Variants in USP6NL observed in about 807,000 individuals in gnomAD.
USP6NL encodes USP6 N-terminal-like protein.
Under a neutral mutation model 61.9 loss-of-function variants are expected in USP6NL, and 26 were observed. The ratio of observed to expected loss-of-function variants is 0.42; its 90% CI spans 0.31 to 0.58. The LOEUF (loss-of-function observed/expected upper bound fraction) is 0.58. Among genes scored for constraint, USP6NL ranks in the 20% least tolerant of loss-of-function variants. The pLI is 0.16. For synonymous variants in USP6NL, 432 were observed against 390.1 expected, an observed-to-expected ratio of 1.11 and a Z score of -1.27; for missense variants, 1,114 against 1,034.3, an observed-to-expected ratio of 1.08 and a Z score of -1.06.
At chr10:11,480,869 C>T (rs1290200728) in intron 14 of USP6NL, among the ~76,000 whole-genome samples, 1 of 152,214 alleles carries the variant, frequency 6.6e-6, no homozygotes, top group African/African-American at 2.4e-5. Flanking sequence ...TACACCCATC[C>T]ACTGCAACAA....
chr10:11,569,448 T>C (rs1202988069), intron 2 of USP6NL, among the ~76,000 whole-genome samples: 2 of 152,224 alleles, frequency 1.3e-5, no homozygotes, highest in African/African-American at 4.8e-5. Flanking sequence ...ATTTAATAAA[T>C]ATAACCTTCA....
rs73569144 is a variant in USP6NL at position 11,528,942 on chromosome 10, T to C, written c.5-1375A>G. 6.8e-3 allele frequency among the ~76,000 whole-genome samples: 1,037 copies of C among 151,944 alleles called. 14 individuals are homozygous for C. Among genetic ancestry groups the C allele is most frequent in the African/African-American group, 0.023 (940 of 41,420 alleles). On this transcript the variant is annotated intron_variant, in intron 2 of 14. Transcript: ENST00000609104. This position sits in a 1 kb window ranked among gnomAD's most constrained non-coding sequence, Gnocchi z 4.6. ...CTCATTCTCCAAAGCAGGAAACCAA[T>C]AGAAATGCCAAAAACGGAAGATGCA...
chr10:11,601,468 C>T (rs1838529205), intron 1 of USP6NL, among the ~76,000 whole-genome samples: 1 of 152,110 alleles, frequency 6.6e-6, no homozygotes, highest in South Asian at 2.1e-4. Flanking sequence ...TTCACTTAAA[C>T]TGAGGAGAGG....
At chr10:11,555,006 A>G (rs1462719239) in intron 2 of USP6NL, among the ~76,000 whole-genome samples, 3 of 134,120 alleles carry the variant, frequency 2.2e-5, no homozygotes, top group East Asian at 2.4e-4. Flanking sequence ...GGGTTTCACC[A>G]TGTTAGCCAG....
At chr10:11,559,135 G>A (rs1201507836) in intron 2 of USP6NL, among the ~76,000 whole-genome samples, 1 of 152,138 alleles carries the variant, frequency 6.6e-6, no homozygotes, top group Non-Finnish European at 1.5e-5. Flanking sequence ...CTAAAACCAG[G>A]TAGGGGTGTG....
rs1837467574 is a variant in USP6NL, at chr10:11,574,350, A to ATT, written c.4+23280_4+23281insAA. Reference sequence around the variant, plus strand: ...ATCCCAGTCCATGAATAGAAGTCTAAATTCACATGCACACTAGAAATTCCC... The same window carrying ATT: ...ATCCCAGTCCATGAATAGAAGTCTAATTATTCACATGCACACTAGAAATTCCC... On this transcript the variant is annotated intron_variant, in intron 2 of 14. Transcript: ENST00000609104. This position sits in a 1 kb window ranked among gnomAD's most constrained non-coding sequence, Gnocchi z 4.3. 6.6e-6 allele frequency among the ~76,000 whole-genome samples: 1 copy of ATT among 152,198 alleles called. No homozygotes were observed. The highest frequency in any genetic ancestry group is 6.5e-5 in the Admixed American group (1 of 15,286).
chr10:11,579,055 A>G (rs1002642638), intron 2 of USP6NL, among the ~76,000 whole-genome samples: 7 of 152,142 alleles, frequency 4.6e-5, no homozygotes, highest in African/African-American at 9.7e-5. Flanking sequence ...ATGCAGGGGG[A>G]AAAAAAGTTT....
chr10:11,531,659 ATGTT>A (rs1002479302), intron 2 of USP6NL, among the ~76,000 whole-genome samples: 33 of 146,630 alleles, frequency 2.3e-4, no homozygotes, highest in African/African-American at 6.9e-4. Flanking sequence ...TTTCACCAGG[ATGTT>A]TGTTTAAAAA....
rs1837613347 is a variant in USP6NL, at chr10:11,577,945, TGATGTTATTATAC to T, written c.4+19673_4+19685del. ...CTAATAAAAGAAAAAAAAATACAGGTGATGTTATTATACAGGTGATGTTATTTTCTTTTTCTGA... is the reference window on the plus strand; with the variant it reads ...CTAATAAAAGAAAAAAAAATACAGGTAGGTGATGTTATTTTCTTTTTCTGA... On this transcript the variant is annotated intron_variant, in intron 2 of 14. Coordinates refer to ENST00000609104, the MANE Select transcript of USP6NL (RefSeq NM_014688.5). Among the ~76,000 whole-genome samples the T allele has an allele frequency of 3.3e-5, 4 of 120,230 alleles. No individual in the cohort carries two copies. The East Asian group carries it at 1.1e-3, about 33-fold the overall frequency. The allele number at this position is 120,230 out of a possible 152,430, so 78.9% of individuals were successfully genotyped here. A position where few individuals can be genotyped will look rare whatever the true frequency, so the allele number is the denominator to read the frequency against.
intron 2 of USP6NL, among the ~76,000 whole-genome samples, chr10:11,557,525 A>C (rs1358807472): frequency 1.3e-5 from 2 of 152,230 alleles, no homozygotes; most frequent in African/African-American, 4.8e-5. Context: ...GCAAATTTTA[A>C]ATTGGATTAT....
intron 2 of USP6NL, among the ~76,000 whole-genome samples, chr10:11,530,612 C>T (rs1031964654): frequency 1.3e-5 from 2 of 151,996 alleles, no homozygotes; most frequent in Non-Finnish European, 2.9e-5. Context: ...CCTGAGTTAC[C>T]CCATGGGGAG....
At chr10:11,609,471 C>T (rs1220447558) in intron 1 of USP6NL, among the ~76,000 whole-genome samples, 1 of 149,690 alleles carries the variant, frequency 6.7e-6, no homozygotes, top group Non-Finnish European at 1.5e-5. Flanking sequence ...TAAAAAAAAT[C>T]GTTACAGTGA....
chr10:11,521,012 A>G (rs1835182843), intron 4 of USP6NL, among the ~76,000 whole-genome samples: 1 of 152,200 alleles, frequency 6.6e-6, no homozygotes, highest in African/African-American at 2.4e-5. Flanking sequence ...CTGGAAAGAG[A>G]GAGACCTTAA....
At chr10:11,571,710 T>C (rs1451094758) in intron 2 of USP6NL, among the ~76,000 whole-genome samples, 1 of 151,838 alleles carries the variant, frequency 6.6e-6, no homozygotes, top group Admixed American at 6.6e-5. Context: ...TGACTTTTTT[T>C]TTCAAGGAGT....
intron 2 of USP6NL, among the ~76,000 whole-genome samples, chr10:11,586,907 T>G: frequency 6.6e-6 from 1 of 152,164 alleles, no homozygotes; most frequent in Admixed American, 6.5e-5. Context: ...ACGTTGTTCC[T>G]TCTGTTTAGA....
rs758855400 is a variant in USP6NL at position 11,462,538 on chromosome 10, G to A, written c.2390C>T (p.Ala797Val). Residue 797 changes from alanine (A) to valine (V), a missense_variant, in exon 15 of 15, where the codon GCC becomes GTC. Ala to Val is a moderately conservative substitution (Grantham distance 64). Transcript: ENST00000609104. ...TGAATATGGATATCCAGATGGACTG[G>A]CATCTTCTGCGGCCGGTGAAGCTTT... ...RYKASPAAEDASPSGYPYSGP... is the reference protein window; with the variant it reads ...RYKASPAAEDVSPSGYPYSGP... 6.8e-6 allele frequency: 11 copies of A among 1,613,998 alleles called. No individual in the cohort carries two copies. In the South Asian group the frequency reaches 1.1e-4, roughly 16 times the overall value.
Position 11,525,564 on chromosome 10 carries a change from G to A in USP6NL, c.73-96C>T. ...CGAAGAAATAAGAGCTATTTTTAAT[G>A]TATTACTAAAAATAAGAGCTGGAAG... On this transcript the variant is annotated intron_variant, in intron 3 of 14. Transcript: ENST00000609104. The surrounding 1 kb of genome is among the most constrained non-coding windows in gnomAD (Gnocchi z 5.0). 2 of 1,074,548 alleles carry A rather than the reference G, an allele frequency of 1.9e-6. No individual in the cohort carries two copies. The highest frequency in any genetic ancestry group is 2.6e-6 in the Non-Finnish European group (2 of 776,264). The allele number at this position is 1,074,548 out of a possible 1,614,324, so 66.6% of individuals were successfully genotyped here.
chr10:11,593,839 C>G (rs1325610923), intron 2 of USP6NL, among the ~76,000 whole-genome samples: 1 of 152,200 alleles, frequency 6.6e-6, no homozygotes, highest in Non-Finnish European at 1.5e-5. Flanking sequence ...CCTCTAAGCT[C>G]TAAACAGCTT....
At chr10:11,557,981 G>C (rs1486174549) in intron 2 of USP6NL, among the ~76,000 whole-genome samples, 2 of 152,202 alleles carry the variant, frequency 1.3e-5, no homozygotes, top group African/African-American at 4.8e-5. Context: ...AGTCATCTAA[G>C]TGAATGAAGT....
Sources: allele counts gnomAD v4.1 joint callset (sites outside exome capture counted in the v4.1 genomes callset), GRCh38; gene constraint gnomAD v4.1.1; non-coding constraint Gnocchi (gnomAD v3.1); transcripts MANE v1.5; gene names NCBI Gene and HGNC (gene_info 2026-07-23, HGNC 2026-07-21).